The following ARHGEF38 variants were observed in gnomAD, a reference collection of about 807,000 sequenced individuals.
ARHGEF38 encodes the protein Rho guanine nucleotide exchange factor 38, also known as Rho guanine nucleotide exchange factor (GEF) 38.
ARHGEF38 carries 79 observed loss-of-function variants against 79.9 expected under a neutral mutation model. The ratio of observed to expected loss-of-function variants is 0.99; its 90% CI spans 0.82 to 1.19. The LOEUF is 1.19. Among genes scored for constraint, ARHGEF38 ranks in the 50% most tolerant of loss-of-function variants. ARHGEF38 has a pLI of 0.00. For missense variants in ARHGEF38, 962 were observed against 907.2 expected (o/e 1.06, Z -0.78); for synonymous variants, 366 against 328.3 (o/e 1.11, Z -1.24).
chr4:105,648,799 C>A (rs1376718766), intron 7 of ARHGEF38, 117 bp downstream of exon 7: 2 of 992,518 alleles, frequency 2.0e-6, no homozygotes, highest in Non-Finnish European at 2.8e-6. Context: ...GGTAATTGCC[C>A]TATGCTGTTC....
At position 105,591,264 on chromosome 4, in the gene ARHGEF38, T is replaced by C. The variant is rs563917988; in HGVS notation, c.384+1829T>C. 2.6e-5 allele frequency among the ~76,000 whole-genome samples: 4 copies of C among 152,338 alleles called. No individual in the cohort carries two copies. The South Asian group carries it at 8.3e-4, about 32-fold the overall frequency. On this transcript the variant is annotated intron_variant, in intron 2 of 13. Transcript: ENST00000420470. ...TTTGTTTTGTGACAGAGTCTCGCTC[T>C]GTCACCCAGGCTGGAGTGCAGTGGC...
intron 2 of ARHGEF38, among the ~76,000 whole-genome samples, chr4:105,595,840 A>C (rs1727554640): frequency 6.6e-6 from 1 of 152,182 alleles, no homozygotes; most frequent in African/African-American, 2.4e-5. Context: ...GAGTCTGTTC[A>C]ATACAGATGC....
chr4:105,574,850 G>A (rs920827999), intron 1 of ARHGEF38, among the ~76,000 whole-genome samples: 1 of 151,910 alleles, frequency 6.6e-6, no homozygotes, highest in South Asian at 2.1e-4. Context: ...TATCCAACAT[G>A]TAGTTTTGTA....
chr4:105,672,894 C>A (rs1731002485), intron 13 of ARHGEF38, among the ~76,000 whole-genome samples: 2 of 152,206 alleles, frequency 1.3e-5, no homozygotes, highest in Non-Finnish European at 1.5e-5. Context: ...AAATCCTTGC[C>A]ATGTGGCTGT....
Position 105,667,600 on chromosome 4 carries a change from C to T in ARHGEF38, c.2045C>T (p.Ser682Leu), listed in dbSNP as rs1730799871. 2 of 1,536,588 alleles carry T rather than the reference C, an allele frequency of 1.3e-6. No homozygotes were observed. The highest frequency in any genetic ancestry group is 2.7e-5 in the African/African-American group (2 of 73,054). Residue 682 changes from serine to leucine, a missense_variant, in exon 13 of 14, where the codon TCA becomes TTA. Physicochemically the swap from Ser to Leu is moderately radical, Grantham distance 145. Transcript: ENST00000420470. ...RPASDSVTGT[S>L]ESSIGDSSSS... ...GCTAGTGACAGTGTCACAGGCACCT[C>T]AGAAAGCAGCATTGGTGATAGCAGC...
intron 1 of ARHGEF38, among the ~76,000 whole-genome samples, chr4:105,558,644 G>GTGTAGACAT (rs1725365688): frequency 6.6e-6 from 1 of 150,994 alleles, no homozygotes; most frequent in African/African-American, 2.4e-5. Flanking sequence ...GAGACATCTT[G>GTGTAGACAT]CAGTTTTTAG....
chr4:105,636,942 A>G, intron 5 of ARHGEF38, among the ~76,000 whole-genome samples: 1 of 152,154 alleles, frequency 6.6e-6, no homozygotes, highest in Admixed American at 6.6e-5. Flanking sequence ...TACTAGGACA[A>G]TATAGAAATT....
At chr4:105,631,590 C>CT in intron 4 of ARHGEF38, 1 of 985,278 alleles carries the variant, frequency 1.0e-6, no homozygotes, top group Non-Finnish European at 1.2e-6. Flanking sequence ...ACACAATGTA[C>CT]TTTTTCTTTT....
chr4:105,625,843 C>A lies in ARHGEF38; in HGVS notation c.509-5055C>A, dbSNP rs999983603. The stretch of plus-strand genomic sequence containing the variant: ...CTGTCACCCACCCCACCAACTTAGT[C>A]AATCTTGGCAGTATTTCTCATTATT... On this transcript the variant is annotated intron_variant, in intron 3 of 13. Coordinates refer to ENST00000420470, the MANE Select transcript of ARHGEF38 (RefSeq NM_001242729.2). 2.6e-5 allele frequency among the ~76,000 whole-genome samples: 4 copies of A among 152,306 alleles called. No individual in the cohort carries two copies. In the East Asian group the frequency reaches 7.7e-4, roughly 29 times the overall value.
intron 1 of ARHGEF38, among the ~76,000 whole-genome samples, chr4:105,583,433 A>G (rs1726889041): frequency 6.6e-6 from 1 of 152,138 alleles, no homozygotes; most frequent in Non-Finnish European, 1.5e-5. Context: ...TTCCTTAAAT[A>G]GGCCATGCAC....
chr4:105,641,297 C>T (rs1163064170), intron 5 of ARHGEF38, among the ~76,000 whole-genome samples: 2 of 152,188 alleles, frequency 1.3e-5, no homozygotes, highest in East Asian at 3.9e-4. Flanking sequence ...CCATGGGTAA[C>T]CAGTGACTGT....
intron 3 of ARHGEF38, 60 bp downstream of exon 3, chr4:105,613,567 C>T (rs187025507): frequency 7.6e-6 from 12 of 1,583,856 alleles, no homozygotes; most frequent in Middle Eastern, 1.7e-4. Flanking sequence ...TTAATAACCT[C>T]CCTTTGCTTT....
At chr4:105,567,847 C>A (rs149615897) in intron 1 of ARHGEF38, among the ~76,000 whole-genome samples, 1 of 151,578 alleles carries the variant, frequency 6.6e-6, no homozygotes, top group African/African-American at 2.4e-5. Context: ...TAGTTACATA[C>A]GTATACATGT....
intron 1 of ARHGEF38, among the ~76,000 whole-genome samples, chr4:105,582,694 G>T (rs1209379249): frequency 6.6e-6 from 1 of 152,010 alleles, no homozygotes; most frequent in Non-Finnish European, 1.5e-5. Context: ...CTAATTATTG[G>T]AGTAAATATT....
At chr4:105,607,552 C>T (rs1230567350) in intron 2 of ARHGEF38, among the ~76,000 whole-genome samples, 2 of 151,934 alleles carry the variant, frequency 1.3e-5, no homozygotes, top group South Asian at 2.1e-4. Context: ...GTCATAGAGA[C>T]AGATAAATTA....
chr4:105,667,572 C>T lies in ARHGEF38; in HGVS notation c.2017C>T (p.Pro673Ser), dbSNP rs1730798878. The T allele has an allele frequency of 1.3e-6, 2 of 1,536,692 alleles. No homozygotes were observed. Among genetic ancestry groups the T allele is most frequent in the Admixed American group, 2.0e-5 (1 of 51,006 alleles). Residue 673 changes from proline (P) to serine (S), a missense_variant, in exon 13 of 14, where the codon CCA becomes TCA. Physicochemically the swap from Pro to Ser is moderately conservative, Grantham distance 74. Transcript: ENST00000420470. ...ENISLFVSSR[P>S]ASDSVTGTSE... ...CATCAGCCTCTTCGTGTCTTCACGG[C>T]CAGCTAGTGACAGTGTCACAGGCAC... is the stretch of plus-strand genomic sequence containing the variant.
intron 1 of ARHGEF38, among the ~76,000 whole-genome samples, chr4:105,559,525 C>T (rs1373414377): frequency 6.6e-6 from 1 of 151,940 alleles, no homozygotes; most frequent in East Asian, 1.9e-4. Context: ...TGCGTGTGTC[C>T]CATGGTCCCC....
At chr4:105,600,296 G>C (rs1196014558) in intron 2 of ARHGEF38, among the ~76,000 whole-genome samples, 3 of 152,196 alleles carry the variant, frequency 2.0e-5, no homozygotes, top group Admixed American at 1.3e-4. Context: ...GTCATGATTA[G>C]TTGTGCTCAT....
chr4:105,575,407 C>A lies in ARHGEF38; in HGVS notation c.197-13841C>A, dbSNP rs567074216. Among the ~76,000 whole-genome samples the A allele has an allele frequency of 7.4e-4, 113 of 152,046 alleles. 1 individual carries two copies. Among genetic ancestry groups the A allele is most frequent in the Non-Finnish European group, 1.1e-3 (75 of 67,974 alleles). The stretch of plus-strand genomic sequence containing the variant: ...TTAATTTGCATTTCCCTAACAATTA[C>A]TGATGTTGAGCATTTTTTCATGTTT... On this transcript the variant is annotated intron_variant, in intron 1 of 13. Coordinates refer to ENST00000420470, the MANE Select transcript of ARHGEF38 (RefSeq NM_001242729.2).
Sources: allele counts gnomAD v4.1 joint callset (sites outside exome capture counted in the v4.1 genomes callset), GRCh38; gene constraint gnomAD v4.1.1; transcripts MANE v1.5; gene names NCBI Gene and HGNC (gene_info 2026-07-23, HGNC 2026-07-21).